Variants in MAD1L1 observed in about 807,000 individuals in gnomAD.
MAD1L1 encodes the protein mitotic spindle assembly checkpoint protein MAD1.
A neutral mutation model predicts 96.9 loss-of-function variants in MAD1L1; 95 were observed. That is an observed-to-expected ratio of 0.98 (90% confidence interval 0.83 to 1.16). The LOEUF is 1.16. MAD1L1 is among the 50% of genes most tolerant of loss of function. The pLI is 0.00. For missense variants in MAD1L1, 1,007 were observed against 954.4 expected, an observed-to-expected ratio of 1.06 and a Z score of -0.73; for synonymous variants, 473 against 396.6, an observed-to-expected ratio of 1.19 and a Z score of -2.29.
At chr7:2,066,577 T>C (rs1370810517) in intron 12 of MAD1L1, among the ~76,000 whole-genome samples, 1 of 152,160 alleles carries the variant, frequency 6.6e-6, no homozygotes, top group African/African-American at 2.4e-5. Context: ...GCTCTCCACC[T>C]GCAAAGCAGA....
chr7:1,968,639 G>C lies in MAD1L1; in HGVS notation c.1506-10920C>G, dbSNP rs1780278008. ...GTCAACGCCTCAGTCCAGCGGTCAG[G>C]TCCACCTGCTGTTGCGTGGATGTCA... On this transcript the variant is annotated intron_variant, in intron 15 of 18. Coordinates refer to ENST00000265854, the MANE Select transcript of MAD1L1 (RefSeq NM_001013836.2). This position sits in a 1 kb window ranked among gnomAD's most constrained non-coding sequence, Gnocchi z 5.6. Among the ~76,000 whole-genome samples, 1 of 152,246 alleles carries C rather than the reference G, an allele frequency of 6.6e-6. No homozygotes were observed. Among genetic ancestry groups the C allele is most frequent in the African/African-American group, 2.4e-5 (1 of 41,464 alleles).
In MAD1L1 at chr7:2,103,236, G is replaced by A. The variant is rs571028698; in HGVS notation, c.1074-33898C>T. On this transcript the variant is annotated intron_variant, in intron 11 of 18. Coordinates refer to ENST00000265854, the MANE Select transcript of MAD1L1 (RefSeq NM_001013836.2). The surrounding 1 kb of genome is among the most constrained non-coding windows in gnomAD (Gnocchi z 4.3). ...CACATGGTGTGTCCAGAGGGAGGCC[G>A]TCCATCCGGCCACGCTGAGGGCCGG... Among the ~76,000 whole-genome samples, 3 of 152,246 alleles carry A rather than the reference G, an allele frequency of 2.0e-5. No homozygotes were observed. The highest frequency in any genetic ancestry group is 1.9e-4 in the East Asian group (1 of 5,152).
chr7:2,083,611 C>T (rs898184895), intron 11 of MAD1L1, among the ~76,000 whole-genome samples: 6 of 152,232 alleles, frequency 3.9e-5, no homozygotes, highest in African/African-American at 1.4e-4. Context: ...ACGTAACAGA[C>T]TGCAAGATGT....
Position 2,219,315 on chromosome 7 carries a change from A to G in MAD1L1, c.596+17T>C, listed in dbSNP as rs1325605459. The G allele has an allele frequency of 6.5e-7, 1 of 1,548,646 alleles. No individual in the cohort carries two copies. Among genetic ancestry groups the G allele is most frequent in the Admixed American group, 1.9e-5 (1 of 51,734 alleles). Reference sequence around the variant, plus strand: ...CACGTGACCCGACCCCCGACCCCACACCCTGGCCCCGCCCACTTGTGTTGC... The same window carrying G: ...CACGTGACCCGACCCCCGACCCCACGCCCTGGCCCCGCCCACTTGTGTTGC... On this transcript the variant is annotated intron_variant, in intron 6 of 18. Transcript: ENST00000265854.
chr7:1,976,410 T>C (rs951176548), intron 15 of MAD1L1, among the ~76,000 whole-genome samples: 1 of 152,182 alleles, frequency 6.6e-6, no homozygotes, highest in Non-Finnish European at 1.5e-5. Flanking sequence ...ATGGTGAGTG[T>C]TACAGCTCTT....
At chr7:2,009,972 A>G (rs1376093347) in intron 13 of MAD1L1, among the ~76,000 whole-genome samples, 1 of 150,924 alleles carries the variant, frequency 6.6e-6, no homozygotes, top group Non-Finnish European at 1.5e-5. Flanking sequence ...CCCACTGAGG[A>G]CCTGTGGCCA....
chr7:2,069,356 G>A lies in MAD1L1; in HGVS notation c.1074-18C>T, dbSNP rs770991890. ...CCCGGGCGCTGCATGGGAGAGACAAGAGGGCAAAGCAATGAAGCCTGGGGT... is the reference window on the plus strand; with the variant it reads ...CCCGGGCGCTGCATGGGAGAGACAAAAGGGCAAAGCAATGAAGCCTGGGGT... On this transcript the variant is annotated intron_variant, in intron 11 of 18. Coordinates refer to ENST00000265854, the MANE Select transcript of MAD1L1 (RefSeq NM_001013836.2). 8 of 1,570,516 alleles carry A rather than the reference G, an allele frequency of 5.1e-6. No homozygotes were observed. The highest frequency in any genetic ancestry group is 1.4e-5 in the African/African-American group (1 of 73,748).
In MAD1L1 at chr7:2,130,351, C is replaced by T. The variant is rs555485616; in HGVS notation, c.1073+18801G>A. ...GTCCCCAAGCCCAGAGCTCTCTCCACGCCATTACAGCCCCCAACTCCCAGG... is the reference window on the plus strand; with the variant it reads ...GTCCCCAAGCCCAGAGCTCTCTCCATGCCATTACAGCCCCCAACTCCCAGG... On this transcript the variant is annotated intron_variant, in intron 11 of 18. Transcript: ENST00000265854. 6.6e-5 allele frequency among the ~76,000 whole-genome samples: 10 copies of T among 152,350 alleles called. No individual in the cohort carries two copies. The South Asian group carries it at 1.0e-3, about 16-fold the overall frequency.
chr7:1,951,829 A>C (rs1474489264), intron 16 of MAD1L1, among the ~76,000 whole-genome samples: 3 of 152,174 alleles, frequency 2.0e-5, no homozygotes, highest in Non-Finnish European at 4.4e-5. Flanking sequence ...CACTGTGTCC[A>C]TCCATGCATC....
At chr7:2,044,130 G>C (rs545549756) in intron 12 of MAD1L1, among the ~76,000 whole-genome samples, 2 of 152,208 alleles carry the variant, frequency 1.3e-5, no homozygotes, top group South Asian at 4.1e-4. Context: ...AGCAGCCAAC[G>C]GTCTGGAATA....
chr7:1,886,345 C>A (rs1405608778), intron 18 of MAD1L1, among the ~76,000 whole-genome samples: 3 of 152,232 alleles, frequency 2.0e-5, no homozygotes, highest in Non-Finnish European at 4.4e-5. Context: ...AAGGAAAGAA[C>A]AGGGCAGCTA....
At chr7:1,895,665 G>A (rs1240946058) in intron 18 of MAD1L1, among the ~76,000 whole-genome samples, 1 of 152,240 alleles carries the variant, frequency 6.6e-6, no homozygotes, top group Non-Finnish European at 1.5e-5. Context: ...GTGGGTGGCC[G>A]GAAGGGTGGG....
At chr7:1,910,888 C>T (rs1448880814) in intron 17 of MAD1L1, among the ~76,000 whole-genome samples, 3 of 152,148 alleles carry the variant, frequency 2.0e-5, no homozygotes, top group Non-Finnish European at 2.9e-5. Context: ...GCCAGTCAGG[C>T]GGGACATGGG....
intron 18 of MAD1L1, among the ~76,000 whole-genome samples, chr7:1,829,830 G>A (rs1782618301): frequency 6.6e-6 from 1 of 152,088 alleles, no homozygotes; most frequent in African/African-American, 2.4e-5. Context: ...GCAGTCAGAG[G>A]AAGAAATGAC....
chr7:2,221,796 TC>T (rs1461938398), intron 5 of MAD1L1, among the ~76,000 whole-genome samples: 1 of 152,048 alleles, frequency 6.6e-6, no homozygotes, highest in Non-Finnish European at 1.5e-5. Flanking sequence ...AACAGCTATT[TC>T]CAGAAAAGAC....
At chr7:2,215,198 T>C (rs1793198091) in intron 9 of MAD1L1, among the ~76,000 whole-genome samples, 1 of 152,070 alleles carries the variant, frequency 6.6e-6, no homozygotes, top group South Asian at 2.1e-4. Flanking sequence ...GCCAACGTGG[T>C]GAAACCCTAT....
At chr7:1,944,088 G>A (rs942822494) in intron 16 of MAD1L1, among the ~76,000 whole-genome samples, 7 of 151,986 alleles carry the variant, frequency 4.6e-5, no homozygotes, top group African/African-American at 1.7e-4. Context: ...GCTGGTAATG[G>A]GCCACGGGAC....
At chr7:1,858,593 C>T (rs1196642991) in intron 18 of MAD1L1, among the ~76,000 whole-genome samples, 2 of 152,216 alleles carry the variant, frequency 1.3e-5, no homozygotes, top group Non-Finnish European at 2.9e-5. Flanking sequence ...CCAGGACGCC[C>T]GCGGTGCCTC....
intron 17 of MAD1L1, among the ~76,000 whole-genome samples, chr7:1,917,582 C>T (rs987660489): frequency 1.2e-4 from 18 of 152,266 alleles, no homozygotes; most frequent in African/African-American, 4.3e-4. Flanking sequence ...GAAGAAATCC[C>T]TAATTGGGTA....
Sources: allele counts gnomAD v4.1 joint callset (sites outside exome capture counted in the v4.1 genomes callset), GRCh38; gene constraint gnomAD v4.1.1; non-coding constraint Gnocchi (gnomAD v3.1); transcripts MANE v1.5; gene names NCBI Gene and HGNC (gene_info 2026-07-23, HGNC 2026-07-21).